PTPRT: variants seen among roughly 807,000 people sequenced by gnomAD.
The protein encoded by PTPRT is protein tyrosine phosphatase receptor type T.
Under a neutral mutation model 176.8 loss-of-function variants are expected in PTPRT, and 56 were observed. The ratio of observed to expected loss-of-function variants is 0.32; its 90% CI spans 0.26 to 0.40. The LOEUF (loss-of-function observed/expected upper bound fraction) is 0.40. Ranked by LOEUF, PTPRT falls within the 10% of genes least tolerant of loss-of-function variation. The pLI, the probability that PTPRT is intolerant of heterozygous loss-of-function variation, is 1.00. For synonymous variants in PTPRT, 783 were observed against 739.0 expected (o/e 1.06, Z -0.96); for missense variants, 1,540 against 1,908.2 (o/e 0.81, Z 3.60).
rs539095852 is a variant in PTPRT, at chr20:42,521,021, AATCCATCC to A, written c.1154-48467_1154-48460del. On this transcript the variant is annotated intron_variant, in intron 7 of 30. Coordinates refer to ENST00000373187, the MANE Select transcript of PTPRT (RefSeq NM_007050.6). ...CTATCTATCTATCATCTACCTATCTAATCCATCCATCCATCCATCCACCCACCCACCTA... is the reference window on the plus strand; with the variant it reads ...CTATCTATCTATCATCTACCTATCTAATCCATCCATCCACCCACCCACCTA... 8.8e-4 allele frequency among the ~76,000 whole-genome samples: 133 copies of A among 151,522 alleles called. 1 individual carries two copies. In the East Asian group the frequency reaches 0.02, roughly 22 times the overall value.
intron 7 of PTPRT, among the ~76,000 whole-genome samples, chr20:42,539,964 A>G (rs1189855921): frequency 1.3e-5 from 2 of 152,196 alleles, no homozygotes; most frequent in Non-Finnish European, 2.9e-5. Flanking sequence ...GAAAGCAGAG[A>G]AAATGAAGGG....
chr20:42,959,217 C>T (rs1981844967), intron 1 of PTPRT, among the ~76,000 whole-genome samples: 1 of 152,104 alleles, frequency 6.6e-6, no homozygotes, highest in Non-Finnish European at 1.5e-5. Flanking sequence ...TCATAGGGTT[C>T]TTATGACGAT....
intron 5 of PTPRT, among the ~76,000 whole-genome samples, chr20:42,768,347 C>G (rs1023990707): frequency 6.6e-6 from 1 of 152,176 alleles, no homozygotes; most frequent in Non-Finnish European, 1.5e-5. Flanking sequence ...ACTGCTTTCT[C>G]ACAGCCATCA....
At chr20:42,658,640 T>G (rs1175928791) in intron 7 of PTPRT, among the ~76,000 whole-genome samples, 4 of 152,210 alleles carry the variant, frequency 2.6e-5, no homozygotes, top group African/African-American at 9.6e-5. Flanking sequence ...CCAAGAGTAC[T>G]GATGTTGGTG....
intron 7 of PTPRT, among the ~76,000 whole-genome samples, chr20:42,512,645 G>T (rs1568940332): frequency 6.6e-6 from 1 of 151,924 alleles, no homozygotes; most frequent in Non-Finnish European, 1.5e-5. Flanking sequence ...CCAGTATTTG[G>T]GTTGCTGGGT....
the PTPRT span, among the ~76,000 whole-genome samples, chr20:42,053,450 C>A: frequency 6.6e-6 from 1 of 152,180 alleles, no homozygotes; most frequent in Non-Finnish European, 1.5e-5. Context: ...CTGGAATATG[C>A]CAGAGGTGTG....
At chr20:42,733,309 C>T (rs2076490641) in intron 6 of PTPRT, among the ~76,000 whole-genome samples, 1 of 152,196 alleles carries the variant, frequency 6.6e-6, no homozygotes, top group South Asian at 2.1e-4. Context: ...GGTTCACTCT[C>T]TTCTGAAACA....
chr20:42,236,990 C>T (rs569225396), intron 14 of PTPRT, among the ~76,000 whole-genome samples: 1 of 152,276 alleles, frequency 6.6e-6, no homozygotes, highest in African/African-American at 2.4e-5. Context: ...TTAGAACCCT[C>T]AGTCTCCATA....
At chr20:42,946,989 A>G (rs913266481) in intron 1 of PTPRT, among the ~76,000 whole-genome samples, 4 of 152,168 alleles carry the variant, frequency 2.6e-5, no homozygotes, top group Non-Finnish European at 5.9e-5. Flanking sequence ...ATCAAGAACC[A>G]GCCACTTCGA....
intron 6 of PTPRT, among the ~76,000 whole-genome samples, chr20:42,732,535 T>C (rs2076476896): frequency 6.6e-6 from 1 of 152,188 alleles, no homozygotes; most frequent in Non-Finnish European, 1.5e-5. Context: ...GAGGATGACA[T>C]CTAACATGAG....
In PTPRT at chr20:42,098,516, G is replaced by C; in HGVS notation, c.3751C>G (p.His1251Asp). Residue 1251 changes from histidine to aspartate, a missense_variant, in exon 27 of 31, where the codon CAC becomes GAC. Transcript: ENST00000373187. ...TCTGCCACGGTGTTGGGTAGAGGGT[G>C]CTGGGTGACCACGAAGGCGGCAGGC... Reference protein sequence around the residue: ...KQPAAFVVTQHPLPNTVADFW... With the variant: ...KQPAAFVVTQDPLPNTVADFW... The C allele has an allele frequency of 6.2e-7, 1 of 1,614,216 alleles. No homozygotes were observed. The highest frequency in any genetic ancestry group is 8.5e-7 in the Non-Finnish European group (1 of 1,180,046).
chr20:42,114,384 G>A (rs978663942), intron 22 of PTPRT, among the ~76,000 whole-genome samples: 5 of 152,234 alleles, frequency 3.3e-5, no homozygotes, highest in African/African-American at 1.2e-4. Flanking sequence ...GGTCCAGTAA[G>A]TGCTCAGTAA....
At chr20:43,001,870 ACAAACAAAC>A (rs1984579832) in intron 1 of PTPRT, among the ~76,000 whole-genome samples, 1 of 146,032 alleles carries the variant, frequency 6.8e-6, no homozygotes, top group Non-Finnish European at 1.5e-5. Flanking sequence ...AAACAAACAA[ACAAACAAAC>A]AAAAAAACAA....
At chr20:42,365,050 C>T (rs371929492) in intron 9 of PTPRT, among the ~76,000 whole-genome samples, 50 of 152,276 alleles carry the variant, frequency 3.3e-4, no homozygotes, top group African/African-American at 1.1e-3. Context: ...GGAAAAAAGG[C>T]AAAGAGAAGC....
chr20:42,589,848 C>T (rs1043874638), intron 7 of PTPRT, among the ~76,000 whole-genome samples: 3 of 152,140 alleles, frequency 2.0e-5, no homozygotes, highest in Non-Finnish European at 4.4e-5. Flanking sequence ...CTGGCAAATA[C>T]ATATTGAGCA....
chr20:42,732,170 T>C (rs1257169078), intron 6 of PTPRT, among the ~76,000 whole-genome samples: 1 of 151,824 alleles, frequency 6.6e-6, no homozygotes, highest in African/African-American at 2.4e-5. Flanking sequence ...AAAAAATAAA[T>C]AAAATTTAAA....
chr20:42,931,252 T>C (rs149221096), intron 1 of PTPRT, among the ~76,000 whole-genome samples: 15 of 152,106 alleles, frequency 9.9e-5, no homozygotes, highest in African/African-American at 3.6e-4. Context: ...GTCATAAGGG[T>C]GGGGTCCTAA....
chr20:42,653,357 T>A (rs1300696006), intron 7 of PTPRT, among the ~76,000 whole-genome samples: 3 of 152,258 alleles, frequency 2.0e-5, no homozygotes, highest in East Asian at 1.9e-4. Flanking sequence ...GTCTTGGGTA[T>A]GTCTTTATTA....
intron 2 of PTPRT, among the ~76,000 whole-genome samples, chr20:42,842,824 G>A (rs1674295519): frequency 6.6e-6 from 1 of 152,184 alleles, no homozygotes; most frequent in Non-Finnish European, 1.5e-5. Flanking sequence ...CAGCTTCTAT[G>A]TGCCCTCACG....
Sources: allele counts gnomAD v4.1 joint callset (sites outside exome capture counted in the v4.1 genomes callset), GRCh38; gene constraint gnomAD v4.1.1; transcripts MANE v1.5; gene names NCBI Gene and HGNC (gene_info 2026-07-23, HGNC 2026-07-21).